LRRC4C: variants seen among roughly 807,000 people sequenced by gnomAD.
LRRC4C encodes the protein leucine rich repeat containing 4C.
Under a neutral mutation model 33.6 loss-of-function variants are expected in LRRC4C, and 5 were observed. The ratio of observed to expected loss-of-function variants is 0.15; its 90% confidence interval spans 0.08 to 0.31. The LOEUF is 0.31. LRRC4C is among the 10% of genes least tolerant of loss of function. LRRC4C has a pLI of 1.00. For synonymous variants in LRRC4C, 329 were observed against 302.0 expected, an observed-to-expected ratio of 1.09 and a Z score of -0.93; for missense variants, 560 against 796.7, an observed-to-expected ratio of 0.70 and a Z score of 3.58.
chr11:40,585,362 C>A (rs1181499130), intron 3 of LRRC4C, among the ~76,000 whole-genome samples: 1 of 152,040 alleles, frequency 6.6e-6, no homozygotes, highest in African/African-American at 2.4e-5. Flanking sequence ...GACTAAACAT[C>A]CAGCAGCAGA....
At chr11:40,555,508 G>T (rs1957299367) in intron 3 of LRRC4C, among the ~76,000 whole-genome samples, 1 of 152,072 alleles carries the variant, frequency 6.6e-6, no homozygotes, top group African/African-American at 2.4e-5. Context: ...AACCTTTCTT[G>T]CTCTCACTCA....
At chr11:41,457,945 G>GT (rs1956219922) in intron 1 of LRRC4C, among the ~76,000 whole-genome samples, 2 of 151,842 alleles carry the variant, frequency 1.3e-5, no homozygotes, top group African/African-American at 4.8e-5. Flanking sequence ...TCTTCTTTAA[G>GT]TTTTTTGTTT....
intron 2 of LRRC4C, among the ~76,000 whole-genome samples, chr11:40,787,988 A>G (rs1340884906): frequency 6.6e-6 from 1 of 152,168 alleles, no homozygotes; most frequent in Non-Finnish European, 1.5e-5. Flanking sequence ...TAACATACAA[A>G]ACACCGCACT....
chr11:40,814,421 G>A (rs1056222809), intron 2 of LRRC4C, among the ~76,000 whole-genome samples: 2 of 152,050 alleles, frequency 1.3e-5, no homozygotes, highest in African/African-American at 4.8e-5. Context: ...ACAGTAGGGG[G>A]ACCCTGGACT....
At chr11:40,651,977 G>T (rs1942832355) in intron 2 of LRRC4C, among the ~76,000 whole-genome samples, 1 of 152,198 alleles carries the variant, frequency 6.6e-6, no homozygotes, top group Admixed American at 6.5e-5. Context: ...TATGAGAGTT[G>T]TGATTTTAAC....
chr11:40,860,034 C>A (rs1481564413), intron 2 of LRRC4C, among the ~76,000 whole-genome samples: 2 of 151,598 alleles, frequency 1.3e-5, no homozygotes, highest in East Asian at 1.9e-4. Flanking sequence ...TGCAGTGAGC[C>A]GAGATTGTGC....
At chr11:40,757,923 T>C (rs373110103) in intron 2 of LRRC4C, among the ~76,000 whole-genome samples, 9 of 152,062 alleles carry the variant, frequency 5.9e-5, no homozygotes, top group African/African-American at 1.4e-4. Flanking sequence ...CTTGACAAGA[T>C]ACTTTTGTTA....
intron 5 of LRRC4C, among the ~76,000 whole-genome samples, chr11:40,150,461 G>T (rs1858101040): frequency 6.6e-6 from 1 of 152,170 alleles, no homozygotes; most frequent in African/African-American, 2.4e-5. Flanking sequence ...ACTTAGACTT[G>T]TTTCTTTAAA....
At chr11:41,448,713 GACAACATTTC>G (rs1426758435) in intron 1 of LRRC4C, among the ~76,000 whole-genome samples, 1 of 152,128 alleles carries the variant, frequency 6.6e-6, no homozygotes, top group African/African-American at 2.4e-5. Context: ...TGACTTAGAA[GACAACATTTC>G]ACAGTATTTC....
intron 4 of LRRC4C, among the ~76,000 whole-genome samples, chr11:40,271,648 C>T (rs1942708438): frequency 6.6e-6 from 1 of 152,144 alleles, no homozygotes; most frequent in Non-Finnish European, 1.5e-5. Flanking sequence ...TTTCTGCTCA[C>T]TCCTGAACCT....
intron 5 of LRRC4C, among the ~76,000 whole-genome samples, chr11:40,228,032 A>G (rs1054989846): frequency 6.6e-6 from 1 of 152,202 alleles, no homozygotes; most frequent in African/African-American, 2.4e-5. Flanking sequence ...GTAAAAGTCA[A>G]AGGAAAGATT....
chr11:41,319,258 G>T (rs1286503754), intron 1 of LRRC4C, among the ~76,000 whole-genome samples: 2 of 152,150 alleles, frequency 1.3e-5, no homozygotes, highest in Admixed American at 6.5e-5. Context: ...AACATAAAAT[G>T]CTGTAATAGA....
At chr11:40,946,465 T>A (rs546382451) in intron 1 of LRRC4C, among the ~76,000 whole-genome samples, 21 of 152,332 alleles carry the variant, frequency 1.4e-4, no homozygotes, top group African/African-American at 5.1e-4. Context: ...ATGGGATTGC[T>A]GGGTCAAATG....
intron 2 of LRRC4C, among the ~76,000 whole-genome samples, chr11:40,875,027 T>A (rs1200744015): frequency 1.3e-5 from 2 of 152,180 alleles, no homozygotes; most frequent in Admixed American, 1.3e-4. Context: ...CCATTCAGCC[T>A]AGTAAATAAT....
At chr11:41,291,684 C>T (rs959630133) in intron 1 of LRRC4C, among the ~76,000 whole-genome samples, 7 of 152,004 alleles carry the variant, frequency 4.6e-5, no homozygotes, top group African/African-American at 1.7e-4. Context: ...TCCAAAATGG[C>T]AAAGAGCATT....
At chr11:40,240,024 C>T (rs1236213189) in intron 5 of LRRC4C, among the ~76,000 whole-genome samples, 3 of 152,160 alleles carry the variant, frequency 2.0e-5, no homozygotes, top group Non-Finnish European at 4.4e-5. Context: ...AACATTATCT[C>T]CAAGTGACTC....
chr11:40,590,943 C>T (rs1378893397), intron 3 of LRRC4C, among the ~76,000 whole-genome samples: 1 of 152,178 alleles, frequency 6.6e-6, no homozygotes, highest in Non-Finnish European at 1.5e-5. Flanking sequence ...TTGTCTGTGC[C>T]CTGCCCCCAG....
chr11:41,319,215 T>A (rs1950882937), intron 1 of LRRC4C, among the ~76,000 whole-genome samples: 1 of 152,162 alleles, frequency 6.6e-6, no homozygotes, highest in Admixed American at 6.6e-5. Flanking sequence ...AAAAACTAAC[T>A]AAGTAGTATC....
rs907533623 is a variant in LRRC4C, at chr11:41,000,858, A to G, written c.-495-67135T>C. On this transcript the variant is annotated intron_variant, in intron 1 of 6. Transcript: ENST00000528697. ...GAGAGAAGATAAGTCGAAATGTGCC[A>G]AAGTCCCATAGTGCATTGAGATGTT... Among the ~76,000 whole-genome samples, 6 of 152,204 alleles carry G rather than the reference A, an allele frequency of 3.9e-5. No homozygotes were observed. In the East Asian group the frequency reaches 9.6e-4, roughly 24 times the overall value.
Sources: allele counts gnomAD v4.1 joint callset (sites outside exome capture counted in the v4.1 genomes callset), GRCh38; gene constraint gnomAD v4.1.1; transcripts MANE v1.5; gene names NCBI Gene and HGNC (gene_info 2026-07-23, HGNC 2026-07-21).